Variants in EPHA6 observed in about 807,000 individuals in gnomAD.
EPHA6 encodes the protein ephrin type-A receptor 6.
EPHA6 carries 50 observed loss-of-function variants against 112.0 expected under a neutral mutation model. The ratio of observed to expected loss-of-function variants is 0.45; its 90% CI spans 0.36 to 0.56. EPHA6 has a LOEUF of 0.56. Among genes scored for constraint, EPHA6 ranks in the 20% least tolerant of loss-of-function variants. The pLI, the probability that EPHA6 is intolerant of heterozygous loss-of-function variation, is 0.00. For missense variants in EPHA6, 1,280 were observed against 1,417.4 expected (o/e 0.90, Z 1.56); for synonymous variants, 529 against 490.7 (o/e 1.08, Z -1.03).
chr3:97,614,036 T>G (rs2093742271), intron 13 of EPHA6, among the ~76,000 whole-genome samples: 2 of 152,166 alleles, frequency 1.3e-5, no homozygotes, highest in Non-Finnish European at 2.9e-5. Context: ...CACTTAGAAC[T>G]TCCCATTTTT....
At chr3:97,519,661 T>A (rs1418046253) in intron 10 of EPHA6, among the ~76,000 whole-genome samples, 1 of 152,180 alleles carries the variant, frequency 6.6e-6, no homozygotes, top group Admixed American at 6.5e-5. Flanking sequence ...CATTCGTCAG[T>A]GTTTTATGAT....
chr3:97,179,759 C>A (rs893213779), intron 3 of EPHA6, among the ~76,000 whole-genome samples: 15 of 147,464 alleles, frequency 1.0e-4, no homozygotes, highest in Non-Finnish European at 1.5e-4. Context: ...CTCTCTCTCT[C>A]TCCTGAACCA....
intron 5 of EPHA6, among the ~76,000 whole-genome samples, chr3:97,326,539 A>G (rs1576975479): frequency 6.6e-6 from 1 of 152,208 alleles, no homozygotes; most frequent in East Asian, 1.9e-4. Context: ...CCCATAGTCC[A>G]TTCTTAAGGA....
intron 10 of EPHA6, among the ~76,000 whole-genome samples, chr3:97,505,871 C>T (rs1197783644): frequency 2.6e-5 from 4 of 152,114 alleles, no homozygotes; most frequent in South Asian, 2.1e-4. Flanking sequence ...TTTTAATGAT[C>T]GCCATTCTAA....
At chr3:97,137,199 T>A (rs1170286356) in intron 3 of EPHA6, among the ~76,000 whole-genome samples, 1 of 152,202 alleles carries the variant, frequency 6.6e-6, no homozygotes, top group African/African-American at 2.4e-5. Flanking sequence ...ATTATTTGGA[T>A]GGCTGCAATT....
At chr3:97,107,245 A>T (rs1055202892) in intron 3 of EPHA6, among the ~76,000 whole-genome samples, 1 of 152,126 alleles carries the variant, frequency 6.6e-6, no homozygotes, top group Admixed American at 6.6e-5. Context: ...TGGGAGAAAA[A>T]TCTGCCTGAA....
At chr3:97,516,920 A>G (rs1231718418) in intron 10 of EPHA6, among the ~76,000 whole-genome samples, 2 of 152,060 alleles carry the variant, frequency 1.3e-5, no homozygotes, top group African/African-American at 4.8e-5. Flanking sequence ...CATTTATTTC[A>G]TTCATGCAAC....
chr3:97,666,806 A>G (rs1438908109), intron 14 of EPHA6, among the ~76,000 whole-genome samples: 3 of 152,186 alleles, frequency 2.0e-5, no homozygotes, highest in Non-Finnish European at 4.4e-5. Context: ...TGAGATCAGA[A>G]CCAATGAGAG....
At chr3:97,572,139 C>T (rs1261177288) in intron 11 of EPHA6, among the ~76,000 whole-genome samples, 1 of 149,152 alleles carries the variant, frequency 6.7e-6, no homozygotes, top group Non-Finnish European at 1.5e-5. Context: ...AAACACTGAT[C>T]TCTTTTCCTT....
chr3:96,919,359 A>G (rs2039645481), intron 2 of EPHA6, among the ~76,000 whole-genome samples: 1 of 151,920 alleles, frequency 6.6e-6, no homozygotes, highest in South Asian at 2.1e-4. Flanking sequence ...GATTAAATGT[A>G]CACACATATA....
intron 14 of EPHA6, among the ~76,000 whole-genome samples, chr3:97,665,612 C>A (rs1212647169): frequency 2.0e-5 from 3 of 152,234 alleles, no homozygotes; most frequent in Non-Finnish European, 4.4e-5. Flanking sequence ...AGAAGAGAAG[C>A]CCTTAAAACA....
At chr3:97,487,420 A>G (rs371949150) in intron 10 of EPHA6, among the ~76,000 whole-genome samples, 6 of 152,124 alleles carry the variant, frequency 3.9e-5, no homozygotes, top group African/African-American at 9.7e-5. Context: ...TCACTGAACA[A>G]TGTTTGTTAG....
Position 97,759,501 on chromosome 3 carries a change from G to A in EPHA6, c.*10800G>A, listed in dbSNP as rs1258324397. 3.9e-5 allele frequency: 9 copies of A among 230,454 alleles called. No homozygotes were observed. In the East Asian group the frequency reaches 5.5e-4, roughly 14 times the overall value. The allele number at this position is 230,454 out of a possible 1,614,324, so 14.3% of individuals were successfully genotyped here. A position where few individuals can be genotyped will look rare whatever the true frequency, so the allele number is the denominator to read the frequency against. ...ATCTACTAATGAAAATGACTTGGCA[G>A]ACAGGGGAAAACTGATTATGCAAGA... On this transcript the variant is annotated 3_prime_UTR_variant, in exon 18 of 18. Transcript: ENST00000389672.
intron 12 of EPHA6, among the ~76,000 whole-genome samples, chr3:97,596,618 T>C (rs771959517): frequency 6.6e-5 from 10 of 151,672 alleles, no homozygotes; most frequent in Non-Finnish European, 1.0e-4. Flanking sequence ...GACCAACCTA[T>C]AAGATGTAAA....
At chr3:97,177,265 A>G (rs558502099) in intron 3 of EPHA6, among the ~76,000 whole-genome samples, 1 of 151,972 alleles carries the variant, frequency 6.6e-6, no homozygotes, top group East Asian at 1.9e-4. Context: ...CAGTTTTTTG[A>G]AGGTTTAAAG....
chr3:97,542,953 TC>T (rs2092886696), intron 11 of EPHA6, among the ~76,000 whole-genome samples: 1 of 152,228 alleles, frequency 6.6e-6, no homozygotes, highest in African/African-American at 2.4e-5. Flanking sequence ...TTTGATTTTT[TC>T]TTGTAAATTT....
chr3:97,712,021 A>G (rs1168850460), intron 14 of EPHA6, among the ~76,000 whole-genome samples: 1 of 152,350 alleles, frequency 6.6e-6, no homozygotes. Flanking sequence ...GTCAAATGTT[A>G]TATATCTGAA....
chr3:97,244,305 T>C lies in EPHA6; in HGVS notation c.1606+18T>C, dbSNP rs773321167. The C allele has an allele frequency of 6.2e-7, 1 of 1,607,054 alleles. No homozygotes were observed. Among genetic ancestry groups the C allele is most frequent in the South Asian group, 1.1e-5 (1 of 90,924 alleles). On this transcript the variant is annotated intron_variant, in intron 5 of 17. Coordinates refer to ENST00000389672, the MANE Select transcript of EPHA6 (RefSeq NM_001080448.3). ...TCAAGATGGTAAGTTCCACTGCTGT[T>C]CTCTCAAAACAGACCCATAATTTCT...
At chr3:96,817,208 A>AT (rs1294754424) in intron 1 of EPHA6, among the ~76,000 whole-genome samples, 1 of 151,982 alleles carries the variant, frequency 6.6e-6, no homozygotes, top group African/African-American at 2.4e-5. Context: ...ATTACTTATA[A>AT]AATGATGCTT....
Sources: gnomAD v4.1 joint callset for allele counts (sites outside exome capture counted in the v4.1 genomes callset) on GRCh38, gnomAD v4.1.1 for gene constraint, MANE v1.5 for transcripts, NCBI Gene and HGNC (gene_info 2026-07-23, HGNC 2026-07-21) for gene names.